Variants in CCND3 observed in about 807,000 individuals in gnomAD.
The protein encoded by CCND3 is cyclin D3.
Under a neutral mutation model 28.7 loss-of-function variants are expected in CCND3, and 9 were observed. The ratio of observed to expected loss-of-function variants is 0.31; its 90% CI spans 0.19 to 0.55. The LOEUF (loss-of-function observed/expected upper bound fraction) is 0.55, where lower values mean the gene tolerates loss of function less well. CCND3 is among the 20% of genes least tolerant of loss of function. CCND3 has a pLI of 0.93. For missense variants in CCND3, 315 were observed against 385.8 expected (o/e 0.82, Z 1.54); for synonymous variants, 164 against 163.9 (o/e 1.00, Z 0.00).
At chr6:42,044,626 C>T (rs989225611) in intron 1 of CCND3, among the ~76,000 whole-genome samples, 1 of 152,162 alleles carries the variant, frequency 6.6e-6, no homozygotes, top group Non-Finnish European at 1.5e-5. Context: ...CCCCCTACTT[C>T]AAGGTTTGCC....
chr6:42,015,923 TTTTATTTATTTTTTATTTA>T (rs1280518839), intron 1 of CCND3, among the ~76,000 whole-genome samples: 2 of 151,894 alleles, frequency 1.3e-5, no homozygotes, highest in African/African-American at 4.8e-5. Context: ...TACGTTTTTA[TTTTATTTATTTTTTATTTA>T]TTTATTTATT....
rs1775980278 is a variant in CCND3, at chr6:41,940,803, G to A, written c.199-218C>T. On this transcript the variant is annotated intron_variant, in intron 1 of 4. Coordinates refer to ENST00000372991, the MANE Select transcript of CCND3 (RefSeq NM_001760.5). ...CCTCCTCCCCTCTCCCCTTGACGGG[G>A]GAGTGGTAAAGCCAAGGAGCCCTTG... is the stretch of plus-strand genomic sequence containing the variant. 3 of 915,964 alleles carry A rather than the reference G, an allele frequency of 3.3e-6. No homozygotes were observed. In the South Asian group the frequency reaches 4.0e-5, roughly 12 times the overall value. The allele number at this position is 915,964 out of a possible 1,614,324, so 56.7% of individuals were successfully genotyped here.
chr6:42,033,344 G>C (rs1247895200), intron 1 of CCND3, among the ~76,000 whole-genome samples: 2 of 151,844 alleles, frequency 1.3e-5, no homozygotes, highest in Non-Finnish European at 2.9e-5. Context: ...CAGCTACTCG[G>C]AAGGCTAAGG....
upstream of CCND3, among the ~76,000 whole-genome samples, chr6:41,943,660 G>A (rs1404547476): frequency 6.6e-6 from 1 of 152,160 alleles, no homozygotes; most frequent in Non-Finnish European, 1.5e-5. Context: ...CTAAGGTTAT[G>A]AAACATTCTA....
At chr6:42,030,643 C>G (rs1163161638) in intron 1 of CCND3, among the ~76,000 whole-genome samples, 2 of 152,216 alleles carry the variant, frequency 1.3e-5, no homozygotes, top group Admixed American at 6.5e-5. Context: ...AGACTCACCA[C>G]CACAGCCTGG....
chr6:41,947,980 C>G (rs568985946), intron 1 of CCND3, among the ~76,000 whole-genome samples: 1 of 152,118 alleles, frequency 6.6e-6, no homozygotes, highest in African/African-American at 2.4e-5. Flanking sequence ...TCTGGCCACA[C>G]GGTTCATGGA....
At chr6:41,992,535 A>C (rs1582139679) in intron 1 of CCND3, among the ~76,000 whole-genome samples, 1 of 125,050 alleles carries the variant, frequency 8.0e-6, no homozygotes. Context: ...TGCAACCTCC[A>C]CCTCCCGGGT....
At chr6:41,990,449 A>C (rs1762613239) in intron 1 of CCND3, among the ~76,000 whole-genome samples, 1 of 152,086 alleles carries the variant, frequency 6.6e-6, no homozygotes, top group Non-Finnish European at 1.5e-5. Flanking sequence ...AAAAAATCCT[A>C]AAATTCATAA....
intron 1 of CCND3, among the ~76,000 whole-genome samples, chr6:41,996,139 T>TATATATAATATATATATATATA (rs1491589408): frequency 5.6e-5 from 1 of 17,858 alleles, no homozygotes; most frequent in Non-Finnish European, 1.6e-4. Flanking sequence ...TATATATATA[T>TATATATAATATATATATATATA]TTTTTTTGTT....
chr6:41,999,310 A>G (rs9357380), intron 1 of CCND3, among the ~76,000 whole-genome samples: 149,728 of 152,208 alleles, frequency 0.98, 73,689 homozygotes, highest in South Asian at 1. Flanking sequence ...GTGCAATGGC[A>G]CAATCTCGGC....
chr6:41,957,915 C>A (rs573945397), intron 1 of CCND3, among the ~76,000 whole-genome samples: 1 of 152,098 alleles, frequency 6.6e-6, no homozygotes, highest in African/African-American at 2.4e-5. Context: ...GAACTCCTGG[C>A]CTCAAGCAAT....
intron 1 of CCND3, among the ~76,000 whole-genome samples, chr6:41,951,222 A>G (rs1776303792): frequency 6.6e-6 from 1 of 151,834 alleles, no homozygotes; most frequent in Admixed American, 6.6e-5. Context: ...TCCATGAAAC[A>G]GCCATGGTGA....
At chr6:41,992,537 C>T (rs1305108636) in intron 1 of CCND3, among the ~76,000 whole-genome samples, 2 of 148,652 alleles carry the variant, frequency 1.3e-5, no homozygotes, top group Non-Finnish European at 3.0e-5. Context: ...CAACCTCCAC[C>T]TCCCGGGTTC....
At chr6:42,017,500 G>C (rs1763558567) in intron 1 of CCND3, among the ~76,000 whole-genome samples, 2 of 152,182 alleles carry the variant, frequency 1.3e-5, no homozygotes, top group South Asian at 4.1e-4. Context: ...TCTCCACAAA[G>C]GCTTCCTTGA....
At chr6:42,040,351 G>A (rs1037448337) in intron 1 of CCND3, among the ~76,000 whole-genome samples, 3 of 152,098 alleles carry the variant, frequency 2.0e-5, no homozygotes, top group African/African-American at 7.2e-5. Flanking sequence ...CTAGGAGGTG[G>A]AGGTTGCAGT....
At chr6:41,940,885 G>T (rs1775983826) in intron 1 of CCND3, 9 of 1,434,800 alleles carry the variant, frequency 6.3e-6, no homozygotes, top group Non-Finnish European at 8.8e-6. Flanking sequence ...GAAGTGGGAC[G>T]CAAGGGTCAC....
upstream of CCND3, among the ~76,000 whole-genome samples, chr6:41,946,665 A>C (rs1460316533): frequency 2.9e-5 from 4 of 139,620 alleles, no homozygotes; most frequent in African/African-American, 1.0e-4. Context: ...TTTTTCTTTG[A>C]GAATCAAGGA....
At chr6:42,005,525 A>C (rs1582154011) in intron 1 of CCND3, among the ~76,000 whole-genome samples, 1 of 133,364 alleles carries the variant, frequency 7.5e-6, no homozygotes, top group East Asian at 2.4e-4. Context: ...TGGGAGACAG[A>C]GTGAGACCCT....
At chr6:42,044,129 T>C (rs1257814106) in intron 1 of CCND3, among the ~76,000 whole-genome samples, 1 of 152,168 alleles carries the variant, frequency 6.6e-6, no homozygotes, top group Non-Finnish European at 1.5e-5. Flanking sequence ...AGAGAAGATG[T>C]GGAAGAAATC....
Sources: allele counts gnomAD v4.1 joint callset (sites outside exome capture counted in the v4.1 genomes callset), GRCh38; gene constraint gnomAD v4.1.1; transcripts MANE v1.5; gene names NCBI Gene and HGNC (gene_info 2026-07-23, HGNC 2026-07-21).